The following CDK5RAP2 variants were observed in gnomAD, a reference collection of about 807,000 sequenced individuals.
The protein encoded by CDK5RAP2 is CDK5 regulatory subunit-associated protein 2.
CDK5RAP2 carries 147 observed loss-of-function variants against 232.9 expected under a neutral mutation model. That is an observed-to-expected ratio of 0.63 (90% CI 0.55 to 0.72). The LOEUF (loss-of-function observed/expected upper bound fraction) is 0.72, where lower values mean the gene tolerates loss of function less well. CDK5RAP2 is among the 30% of genes least tolerant of loss of function. The pLI, the probability that CDK5RAP2 is intolerant of heterozygous loss-of-function variation, is 0.00. For synonymous variants in CDK5RAP2, 833 were observed against 833.7 expected, an observed-to-expected ratio of 1.00 and a Z score of 0.01; for missense variants, 2,195 against 2,231.5, an observed-to-expected ratio of 0.98 and a Z score of 0.33.
chr9:120,556,147 T>TA (rs1334834492), intron 3 of CDK5RAP2, among the ~76,000 whole-genome samples: 2 of 152,290 alleles, frequency 1.3e-5, no homozygotes, highest in Admixed American at 6.5e-5. Context: ...CACACACATA[T>TA]AAAAAACTAT....
chr9:120,487,798 C>T (rs1228313540), intron 13 of CDK5RAP2, among the ~76,000 whole-genome samples: 1 of 152,212 alleles, frequency 6.6e-6, no homozygotes, highest in Non-Finnish European at 1.5e-5. Flanking sequence ...GCTCAGGGTG[C>T]GATCTGCTTC....
intron 12 of CDK5RAP2, among the ~76,000 whole-genome samples, chr9:120,497,149 C>T (rs1450681791): frequency 7.6e-6 from 1 of 130,764 alleles, no homozygotes; most frequent in Non-Finnish European, 1.5e-5. Context: ...GCTGTGTCCA[C>T]TCAGGGTTGA....
chr9:120,498,850 AT>A (rs1382653964), intron 12 of CDK5RAP2, among the ~76,000 whole-genome samples: 1 of 152,026 alleles, frequency 6.6e-6, no homozygotes, highest in Non-Finnish European at 1.5e-5. Flanking sequence ...GCAACACCCC[AT>A]CTCTAAAATA....
chr9:120,407,311 G>A (rs2033523629), intron 31 of CDK5RAP2, 63 bp from the exon 32 acceptor site: 1 of 1,237,740 alleles, frequency 8.1e-7, no homozygotes, highest in Non-Finnish European at 1.2e-6. Context: ...GCCATCGAAG[G>A]AACTCAATCG....
At chr9:120,414,512 T>TA (rs2034087183) in intron 28 of CDK5RAP2, among the ~76,000 whole-genome samples, 1 of 152,062 alleles carries the variant, frequency 6.6e-6, no homozygotes, top group African/African-American at 2.4e-5. Context: ...TATTTGCATT[T>TA]AAAAAAACAC....
chr9:120,483,217 C>T (rs1208415596), intron 14 of CDK5RAP2, among the ~76,000 whole-genome samples: 2 of 152,244 alleles, frequency 1.3e-5, no homozygotes, highest in African/African-American at 2.4e-5. Context: ...GTGACCACCC[C>T]GCTCACCGCA....
chr9:120,413,834 GGGAGGAGGGAA>G (rs1228324748), intron 28 of CDK5RAP2, among the ~76,000 whole-genome samples: 11 of 148,954 alleles, frequency 7.4e-5, no homozygotes, highest in African/African-American at 1.8e-4. Flanking sequence ...GGAGGGAGGA[GGGAGGAGGGAA>G]GGAGGAGGGA....
At chr9:120,458,155 T>C (rs990054855) in intron 20 of CDK5RAP2, among the ~76,000 whole-genome samples, 1 of 152,184 alleles carries the variant, frequency 6.6e-6, no homozygotes, top group Non-Finnish European at 1.5e-5. Context: ...TAGGGCTGAT[T>C]CCTCTCGCTG....
Position 120,403,145 on chromosome 9 carries a change from G to C in CDK5RAP2, c.5042-74C>G, listed in dbSNP as rs1260502142. On this transcript the variant is annotated intron_variant, in intron 33 of 37. Coordinates refer to ENST00000349780, the MANE Select transcript of CDK5RAP2 (RefSeq NM_018249.6). This position sits in a 1 kb window ranked among gnomAD's most constrained non-coding sequence, Gnocchi z 4.2. ...CGTTCAAGACGCTTATGATGTTGAA[G>C]CTAGCTAGGAGGGCTAGAAGAGGCC... The C allele has an allele frequency of 1.5e-5, 23 of 1,531,124 alleles. No homozygotes were observed. Among genetic ancestry groups the C allele is most frequent in the Non-Finnish European group, 2.1e-5 (23 of 1,108,046 alleles). The allele number at this position is 1,531,124 out of a possible 1,614,324, so 94.8% of individuals were successfully genotyped here.
rs1213640980 is a variant in CDK5RAP2, at chr9:120,477,214, TA to T, written c.1727+135del. ...AATAGGGCAGTCGCCACCCAAGCTTTATAAGCTCCATAAGCAAACTGGCAGG... is the reference window on the plus strand; with the variant it reads ...AATAGGGCAGTCGCCACCCAAGCTTTTAAGCTCCATAAGCAAACTGGCAGG... On this transcript the variant is annotated intron_variant, in intron 15 of 37. Coordinates refer to ENST00000349780, the MANE Select transcript of CDK5RAP2 (RefSeq NM_018249.6). 2.3e-4 allele frequency: 172 copies of T among 749,560 alleles called. 3 individuals are homozygous for T. In the East Asian group the frequency reaches 4.4e-3, roughly 19 times the overall value. 46.4% of individuals were successfully genotyped at this position (749,560 alleles called of 1,614,324 possible).
Position 120,470,232 on chromosome 9 carries a change from AG to A in CDK5RAP2, c.1859-13del. Reference sequence around the variant, plus strand: ...TGAAAATGATTCTTCTGCCCAAAAAAGAAAAAAAAAAGGTGGGGAGGGGGAG... The same window carrying A: ...TGAAAATGATTCTTCTGCCCAAAAAAAAAAAAAAAAGGTGGGGAGGGGGAG... On this transcript the variant is annotated splice_polypyrimidine_tract_variant and intron_variant, in intron 16 of 37. Coordinates refer to ENST00000349780, the MANE Select transcript of CDK5RAP2 (RefSeq NM_018249.6). 7.3e-7 allele frequency: 1 copy of A among 1,374,112 alleles called. No homozygotes were observed. The highest frequency in any genetic ancestry group is 1.0e-6 in the Non-Finnish European group (1 of 985,426). The allele number at this position is 1,374,112 out of a possible 1,614,324, so 85.1% of individuals were successfully genotyped here.
chr9:120,576,941 A>G (rs976730787), intron 1 of CDK5RAP2, among the ~76,000 whole-genome samples: 2 of 152,220 alleles, frequency 1.3e-5, no homozygotes, highest in African/African-American at 4.8e-5. Context: ...CTTAAAAAGG[A>G]AAGAAATTCT....
chr9:120,444,549 T>C (rs563344522), intron 22 of CDK5RAP2, among the ~76,000 whole-genome samples: 88 of 152,296 alleles, frequency 5.8e-4, no homozygotes, highest in Middle Eastern at 6.8e-3. Flanking sequence ...TGGATGATGG[T>C]TGAATGGATT....
At chr9:120,473,002 T>C (rs779671238) in intron 15 of CDK5RAP2, among the ~76,000 whole-genome samples, 7 of 152,248 alleles carry the variant, frequency 4.6e-5, no homozygotes, top group Non-Finnish European at 8.8e-5. Flanking sequence ...AAGAACAGCT[T>C]TGGACTCCTA....
intron 2 of CDK5RAP2, among the ~76,000 whole-genome samples, chr9:120,569,360 G>T (rs1023491663): frequency 6.6e-6 from 1 of 152,228 alleles, no homozygotes; most frequent in Non-Finnish European, 1.5e-5. Flanking sequence ...TGCATAATAT[G>T]TTAAAAGGTG....
chr9:120,482,185 T>C (rs906721306), intron 14 of CDK5RAP2, among the ~76,000 whole-genome samples: 3 of 152,088 alleles, frequency 2.0e-5, no homozygotes, highest in Non-Finnish European at 4.4e-5. Flanking sequence ...ACAATAAATA[T>C]GGATTTCTGA....
chr9:120,409,446 C>A, intron 29 of CDK5RAP2, 130 bp from the exon 30 acceptor site: 1 of 744,826 alleles, frequency 1.3e-6, no homozygotes, highest in Non-Finnish European at 2.3e-6. Flanking sequence ...TTTGGCATTC[C>A]AATTATCTTA....
chr9:120,453,203 T>C (rs2036569356), intron 21 of CDK5RAP2, among the ~76,000 whole-genome samples: 1 of 151,966 alleles, frequency 6.6e-6, no homozygotes, highest in Non-Finnish European at 1.5e-5. Flanking sequence ...AACACATAAA[T>C]GTCACAATAT....
At chr9:120,419,144 A>G (rs911030438) in intron 27 of CDK5RAP2, among the ~76,000 whole-genome samples, 2 of 152,184 alleles carry the variant, frequency 1.3e-5, no homozygotes, top group African/African-American at 4.8e-5. Context: ...ATACAACCAG[A>G]AAATGGCAGT....
Sources: allele counts gnomAD v4.1 joint callset (sites outside exome capture counted in the v4.1 genomes callset), GRCh38; gene constraint gnomAD v4.1.1; non-coding constraint Gnocchi (gnomAD v3.1); transcripts MANE v1.5; gene names NCBI Gene and HGNC (gene_info 2026-07-23, HGNC 2026-07-21).